Variants in EZR observed in about 807,000 individuals in gnomAD.
EZR encodes the protein ezrin.
Under a neutral mutation model 74.8 loss-of-function variants are expected in EZR, and 40 were observed. That is an observed-to-expected ratio of 0.53 (90% CI 0.42 to 0.70). The LOEUF (loss-of-function observed/expected upper bound fraction) is 0.70. EZR is among the 30% of genes least tolerant of loss of function. EZR has a pLI of 0.00. For synonymous variants in EZR, 341 were observed against 283.3 expected, an observed-to-expected ratio of 1.20 and a Z score of -2.05; for missense variants, 678 against 755.8, an observed-to-expected ratio of 0.90 and a Z score of 1.21.
At chr6:158,811,968 C>T (rs1183756216) in intron 2 of EZR, among the ~76,000 whole-genome samples, 1 of 151,768 alleles carries the variant, frequency 6.6e-6, no homozygotes, top group Admixed American at 6.6e-5. Context: ...TACTTCCCTA[C>T]CATTTATAGG....
At chr6:158,780,818 A>G (rs1791415316) in intron 7 of EZR, among the ~76,000 whole-genome samples, 1 of 152,218 alleles carries the variant, frequency 6.6e-6, no homozygotes, top group African/African-American at 2.4e-5. Context: ...TCACAAGCTT[A>G]CAATGCCTGT....
intron 2 of EZR, among the ~76,000 whole-genome samples, chr6:158,814,504 C>T (rs550258623): frequency 2.6e-5 from 4 of 151,854 alleles, no homozygotes; most frequent in Admixed American, 1.3e-4. Flanking sequence ...AGGTCTGCCT[C>T]GCCCTCTGTG....
In EZR at chr6:158,769,845, A is replaced by G. The variant is rs2128564801; in HGVS notation, c.1190T>C (p.Leu397Pro). 1 of 1,613,972 alleles carries G rather than the reference A, an allele frequency of 6.2e-7. No homozygotes were observed. Among genetic ancestry groups the G allele is most frequent in the Non-Finnish European group, 8.5e-7 (1 of 1,180,024 alleles). ...ERLEADRMAA[L>P]RAKEELERQA... ...TCTCTCCAGCTCCTCCTTAGCCCGC[A>G]GTGCAGCCATACGGTCAGCCTCTAG... The change falls in exon 11 of 14, where the codon CTG becomes CCG. Residue 397 changes from leucine to proline, a missense_variant. Leu to Pro is a moderately conservative substitution (Grantham distance 98, BLOSUM62 -3). Around this residue, in one of 3 missense-constraint regions of EZR, gnomAD observed 342 missense variants for 341.2 expected, o/e 1.00. Transcript: ENST00000367075.
At position 158,771,237 on chromosome 6, in the gene EZR, C is replaced by T. The variant is rs201317128; in HGVS notation, c.959+7G>A. ...AGGCCCCCCCCACTCTGGCCTCACG[C>T]GCTCACCGCTCCAGCTGCTTCTGAT... On this transcript the variant is annotated splice_region_variant and intron_variant, in intron 9 of 13. Coordinates refer to ENST00000367075, the MANE Select transcript of EZR (RefSeq NM_001111077.2). The T allele has an allele frequency of 2.3e-4, 367 of 1,607,686 alleles. 3 individuals carry two copies. In the African/African-American group the frequency reaches 2.6e-3, roughly 12 times the overall value.
chr6:158,793,338 A>G (rs1791791487), intron 2 of EZR, among the ~76,000 whole-genome samples: 1 of 152,088 alleles, frequency 6.6e-6, no homozygotes, highest in Non-Finnish European at 1.5e-5. Flanking sequence ...TAAAAGGAAT[A>G]ATTTCCAGTT....
rs145663558 is a variant in EZR at position 158,769,847 on chromosome 6, T to C, written c.1188A>G (p.Ala396=). 2.5e-6 allele frequency: 4 copies of C among 1,614,044 alleles called. No individual in the cohort carries two copies. Among genetic ancestry groups the C allele is most frequent in the Non-Finnish European group, 8.5e-7 (1 of 1,180,034 alleles). ...AERLEADRMA[A]LRAKEELERQ... The stretch of plus-strand genomic sequence containing the variant: ...TCTCCAGCTCCTCCTTAGCCCGCAG[T>C]GCAGCCATACGGTCAGCCTCTAGGC... Residue 396 remains alanine, a synonymous_variant, in exon 11 of 14, where the codon GCA becomes GCG. Coordinates refer to ENST00000367075, the MANE Select transcript of EZR (RefSeq NM_001111077.2).
At chr6:158,809,826 G>A (rs558526807) in intron 2 of EZR, among the ~76,000 whole-genome samples, 95 of 152,280 alleles carry the variant, frequency 6.2e-4, no homozygotes, top group Middle Eastern at 3.4e-3. Context: ...CTTGGAGTCC[G>A]TTGCATATTG....
chr6:158,801,796 A>C (rs1777193197), intron 2 of EZR, among the ~76,000 whole-genome samples: 3 of 152,180 alleles, frequency 2.0e-5, no homozygotes, highest in Admixed American at 6.5e-5. Flanking sequence ...CTTTCCTAGG[A>C]ATCATGGACA....
At position 158,766,122 on chromosome 6, in the gene EZR, TTA is replaced by T. The variant is rs1790781973; in HGVS notation, c.*790_*791del. 1.3e-5 allele frequency: 2 copies of T among 152,608 alleles called. No homozygotes were observed. The highest frequency in any genetic ancestry group is 4.8e-5 in the African/African-American group (2 of 41,444). The allele number at this position is 152,608 out of a possible 1,614,324, so 9.5% of individuals were successfully genotyped here. ...GCCACATCACATCAAGTGCCATGGT[TTA>T]GAGGGTTTTTCATATGTAATTCTTT... On this transcript the variant is annotated 3_prime_UTR_variant, in exon 14 of 14. Coordinates refer to ENST00000367075, the MANE Select transcript of EZR (RefSeq NM_001111077.2).
chr6:158,789,332 A>C lies in EZR; in HGVS notation c.52T>G (p.Phe18Val). The change falls in exon 3 of 14, where the codon TTT becomes GTT. Residue 18 changes from phenylalanine (F) to valine (V), a missense_variant. By Grantham distance (50) the Phe-to-Val change is conservative (BLOSUM62 -1). This residue lies in a region of EZR where 217 missense variants were observed against 232.2 expected (regional missense o/e 0.93). Transcript: ENST00000367075. ...RVTTMDAELEFAIQPNTTGKQ... is the reference protein window; with the variant it reads ...RVTTMDAELEVAIQPNTTGKQ... Reference sequence around the variant, plus strand: ...CCAGTTGTATTTGGCTGGATTGCAAACTCCAGCTCTGCATCCATGGTGGTA... The same window carrying C: ...CCAGTTGTATTTGGCTGGATTGCAACCTCCAGCTCTGCATCCATGGTGGTA... 6.2e-7 allele frequency: 1 copy of C among 1,614,180 alleles called. No individual in the cohort carries two copies. Among genetic ancestry groups the C allele is most frequent in the Non-Finnish European group, 8.5e-7 (1 of 1,180,012 alleles).
intron 2 of EZR, among the ~76,000 whole-genome samples, chr6:158,794,916 A>G (rs1163027237): frequency 6.6e-6 from 1 of 152,172 alleles, no homozygotes. Context: ...ATGAAAAACC[A>G]ATACTGTTTA....
At chr6:158,814,288 C>A (rs1013649414) in intron 2 of EZR, among the ~76,000 whole-genome samples, 24 of 152,154 alleles carry the variant, frequency 1.6e-4, no homozygotes, top group Non-Finnish European at 3.2e-4. Context: ...GTGCGCCCCC[C>A]AGCCCTCAAG....
chr6:158,811,814 G>A (rs1187928505), intron 2 of EZR, among the ~76,000 whole-genome samples: 1 of 151,878 alleles, frequency 6.6e-6, no homozygotes. Context: ...CACTGAGGCT[G>A]CAGTGAGCTG....
Position 158,776,287 on chromosome 6 carries a change from T to C in EZR, c.795+121A>G, listed in dbSNP as rs1562492697. ...GGCCCACAGGATCTCTGGCCCTCAA[T>C]GTAACCTCATGAGGAGTTTGGACTA... is the stretch of plus-strand genomic sequence containing the variant. On this transcript the variant is annotated intron_variant, in intron 8 of 13. Coordinates refer to ENST00000367075, the MANE Select transcript of EZR (RefSeq NM_001111077.2). 4.9e-6 allele frequency: 4 copies of C among 817,902 alleles called. No homozygotes were observed. In the East Asian group the frequency reaches 9.8e-5, roughly 20 times the overall value. The allele number at this position is 817,902 out of a possible 1,614,324, so 50.7% of individuals were successfully genotyped here.
At chr6:158,800,835 T>C (rs1334425110) in intron 2 of EZR, among the ~76,000 whole-genome samples, 2 of 152,186 alleles carry the variant, frequency 1.3e-5, no homozygotes, top group East Asian at 3.9e-4. Context: ...AAAATAATCC[T>C]GAGGCATATC....
In EZR at chr6:158,780,337, T is replaced by G. The variant is rs571718819; in HGVS notation, c.698+3183A>C. ...CACTTAAGATTACATTTCATTGTAT[T>G]TAAATTTTACATCAAAAGAACAAAA... On this transcript the variant is annotated intron_variant, in intron 7 of 13. Transcript: ENST00000367075. Among the ~76,000 whole-genome samples, 153 of 152,336 alleles carry G rather than the reference T, an allele frequency of 1.0e-3. 1 individual carries two copies. Among genetic ancestry groups the G allele is most frequent in the African/African-American group, 3.5e-3 (145 of 41,586 alleles).
chr6:158,794,865 A>G (rs1412581029), intron 2 of EZR, among the ~76,000 whole-genome samples: 3 of 152,194 alleles, frequency 2.0e-5, no homozygotes, highest in Admixed American at 6.5e-5. Context: ...ACCACTACCA[A>G]GACAAAAAGA....
chr6:158,771,525 T>C (rs1380199142), intron 8 of EZR, 118 bp from the exon 9 acceptor site: 3 of 1,109,018 alleles, frequency 2.7e-6, no homozygotes, highest in African/African-American at 3.2e-5. Flanking sequence ...AGAACAGGGA[T>C]GGCAGCATCT....
intron 7 of EZR, among the ~76,000 whole-genome samples, chr6:158,781,418 G>A (rs1334445030): frequency 1.3e-5 from 2 of 152,110 alleles, no homozygotes; most frequent in African/African-American, 2.4e-5. Context: ...GTGGGGGAGG[G>A]GGAGCAGAGC....
Sources: gnomAD v4.1 joint callset for allele counts (sites outside exome capture counted in the v4.1 genomes callset) on GRCh38, gnomAD v4.1.1 for gene constraint, gnomAD v4.1.1 regional missense constraint, MANE v1.5 for transcripts, NCBI Gene and HGNC (gene_info 2026-07-23, HGNC 2026-07-21) for gene names.